IFT46: variants seen among roughly 807,000 people sequenced by gnomAD.
IFT46 encodes intraflagellar transport 46.
In IFT46, 19 loss-of-function variants were observed where a neutral mutation model predicts 39.6. That is an observed-to-expected ratio of 0.48 (90% CI 0.33 to 0.70). The LOEUF (loss-of-function observed/expected upper bound fraction) is 0.70. Among genes scored for constraint, IFT46 ranks in the 30% least tolerant of loss-of-function variants. IFT46 has a pLI of 0.01. For missense variants in IFT46, 334 were observed against 364.8 expected, an observed-to-expected ratio of 0.92 and a Z score of 0.69; for synonymous variants, 117 against 134.8, an observed-to-expected ratio of 0.87 and a Z score of 0.91.
chr11:118,554,847 G>T, intron 6 of IFT46, 143 bp downstream of exon 6: 1 of 692,644 alleles, frequency 1.4e-6, no homozygotes, highest in Non-Finnish European at 2.4e-6. Context: ...AGTGTAATTT[G>T]GAGTTGAGAG....
At chr11:118,565,372 T>G (rs936181278) in intron 1 of IFT46, among the ~76,000 whole-genome samples, 4 of 150,968 alleles carry the variant, frequency 2.6e-5, no homozygotes, top group African/African-American at 9.8e-5. Context: ...CAGAACACTA[T>G]TTGTATGTAG....
intron 7 of IFT46, 76 bp from the exon 8 acceptor site, chr11:118,552,411 G>A: frequency 6.5e-7 from 1 of 1,538,588 alleles, no homozygotes; most frequent in Non-Finnish European, 8.8e-7. Context: ...CATTATATCT[G>A]CTGCTGTTTC....
chr11:118,565,457 C>CTGGGGTGGGGTGGGG, intron 1 of IFT46: 1 of 64,320 alleles, frequency 1.6e-5, no homozygotes, highest in South Asian at 5.0e-4. Flanking sequence ...GGAGTCACCT[C>CTGGGGTGGGGTGGGG]TGGGGTGGGG....
upstream of IFT46, chr11:118,573,787 TATAAATTGC>T (rs1555072941): frequency 2.6e-5 from 15 of 573,588 alleles, no homozygotes; most frequent in East Asian, 4.5e-4. Context: ...GCCTCAGGTA[TATAAATTGC>T]ATCAAACAGG....
chr11:118,569,770 ATCT>A (rs1938298324), upstream of IFT46, among the ~76,000 whole-genome samples: 1 of 152,214 alleles, frequency 6.6e-6, no homozygotes, highest in South Asian at 2.1e-4. Flanking sequence ...AAATGAGATA[ATCT>A]GTGTGAAGTT....
chr11:118,568,310 G>A (rs1938270212), upstream of IFT46, among the ~76,000 whole-genome samples: 1 of 152,268 alleles, frequency 6.6e-6, no homozygotes, highest in African/African-American at 2.4e-5. Flanking sequence ...AGGACTTTGG[G>A]AGGCCGAGGC....
At chr11:118,548,174 T>G (rs1362181521) in intron 9 of IFT46, among the ~76,000 whole-genome samples, 1 of 149,310 alleles carries the variant, frequency 6.7e-6, no homozygotes, top group Non-Finnish European at 1.5e-5. Context: ...TGAGCTACCG[T>G]GCCTGGCCCA....
At chr11:118,572,503 C>T (rs1938366919) in intron 1 of IFT46, 2 of 1,609,976 alleles carry the variant, frequency 1.2e-6, no homozygotes, top group Non-Finnish European at 1.7e-6. Context: ...TACCCCTATC[C>T]CCAGTGGAGC....
chr11:118,574,632 T>C (rs1005008710), upstream of IFT46, among the ~76,000 whole-genome samples: 4 of 152,208 alleles, frequency 2.6e-5, no homozygotes, highest in African/African-American at 9.6e-5. Context: ...CCTTTGGCTT[T>C]AGTTATTGAA....
chr11:118,552,068 A>G (rs1448644612), intron 8 of IFT46, 146 bp downstream of exon 8: 2 of 1,059,750 alleles, frequency 1.9e-6, no homozygotes, highest in Non-Finnish European at 2.8e-6. Flanking sequence ...TTATGTCTAC[A>G]ATCTCAGCCA....
chr11:118,555,860 T>C (rs1004212910), intron 4 of IFT46, among the ~76,000 whole-genome samples: 3 of 151,530 alleles, frequency 2.0e-5, no homozygotes, highest in Non-Finnish European at 4.4e-5. Context: ...AAGGCAGAGG[T>C]TGCAGTGAGC....
Position 118,555,289 on chromosome 11 carries a change from T to C in IFT46, c.219A>G (p.Pro73=). ...AYDPADYEHL[P]VSAEIKELFQ... is the part of the protein sequence containing the mutation. ...AGAGTTCCTTAATTTCAGCAGAAACTGGCAAATGCTCATAGTCTGCAGGGT... is the reference window on the plus strand; with the variant it reads ...AGAGTTCCTTAATTTCAGCAGAAACCGGCAAATGCTCATAGTCTGCAGGGT... Residue 73 remains proline (P), a synonymous_variant, in exon 5 of 12, where the codon CCA becomes CCG. Transcript: ENST00000264021. 3 of 1,614,142 alleles carry C rather than the reference T, an allele frequency of 1.9e-6. No homozygotes were observed. Among genetic ancestry groups the C allele is most frequent in the South Asian group, 1.1e-5 (1 of 91,086 alleles).
chr11:118,554,715 C>G, intron 6 of IFT46, 128 bp from the exon 7 acceptor site: 1 of 1,024,028 alleles, frequency 9.8e-7, no homozygotes, highest in Non-Finnish European at 1.4e-6. Flanking sequence ...CAATACTATC[C>G]AGAAAAAAAA....
intron 4 of IFT46, 34 bp from the exon 5 acceptor site, chr11:118,555,356 C>T (rs782584112): frequency 2.2e-5 from 34 of 1,519,990 alleles, no homozygotes; most frequent in Non-Finnish European, 3.0e-5. Flanking sequence ...TCGAGGTGGC[C>T]AGAGAAGAGC....
upstream of IFT46, chr11:118,573,730 G>A (rs116241910): frequency 8.7e-6 from 6 of 690,524 alleles, no homozygotes; most frequent in African/African-American, 1.8e-5. Context: ...CTTGGATAAT[G>A]GGGGGAATTC....
At chr11:118,571,327 A>G (rs1397704309) in intron 1 of IFT46, among the ~76,000 whole-genome samples, 1 of 152,170 alleles carries the variant, frequency 6.6e-6, no homozygotes, top group Non-Finnish European at 1.5e-5. Context: ...TGCCACATCT[A>G]TTGATGAATG....
At chr11:118,560,814 A>G (rs1433047415) in intron 2 of IFT46, 25 of 744,204 alleles carry the variant, frequency 3.4e-5, no homozygotes, top group Non-Finnish European at 5.6e-5. Flanking sequence ...CAGGATAAAA[A>G]TAAATACAAC....
chr11:118,572,568 A>T, intron 1 of IFT46: 4 of 1,605,930 alleles, frequency 2.5e-6, no homozygotes, highest in Non-Finnish European at 3.4e-6. Context: ...CCGAGCCAGG[A>T]CCCGAACTCC....
chr11:118,570,499 A>G (rs1395599990), upstream of IFT46, among the ~76,000 whole-genome samples: 3 of 152,238 alleles, frequency 2.0e-5, no homozygotes, highest in African/African-American at 7.2e-5. Flanking sequence ...AGTACCTGAC[A>G]CAAATGAAGC....
Sources: allele counts gnomAD v4.1 joint callset (sites outside exome capture counted in the v4.1 genomes callset), GRCh38; gene constraint gnomAD v4.1.1; transcripts MANE v1.5; gene names NCBI Gene and HGNC (gene_info 2026-07-23, HGNC 2026-07-21).